NOL9: variants seen among roughly 807,000 people sequenced by gnomAD.
NOL9 encodes polynucleotide 5'-hydroxyl-kinase NOL9.
In NOL9, 28 loss-of-function variants were observed where a neutral mutation model predicts 67.9. That is an observed-to-expected ratio of 0.41 (90% CI 0.31 to 0.57). NOL9 has a LOEUF of 0.57. NOL9 is among the 20% of genes least tolerant of loss of function. The pLI is 0.25. For missense variants in NOL9, 777 were observed against 897.0 expected (o/e 0.87, Z 1.71); for synonymous variants, 356 against 352.2 (o/e 1.01, Z -0.12).
At chr1:6,541,713 T>C (rs3761927) in intron 6 of NOL9, 117 bp downstream of exon 6, 405,010 of 478,690 alleles carry the variant, frequency 0.85, 172,718 homozygotes, top group Admixed American at 0.88. Flanking sequence ...GACCATGAGT[T>C]TGGTAGGCGC....
intron 10 of NOL9, among the ~76,000 whole-genome samples, chr1:6,527,253 A>G (rs1326266630): frequency 1.9e-5 from 1 of 52,328 alleles, no homozygotes. Context: ...TCAAAAAAAA[A>G]AAAAAAATAC....
intron 9 of NOL9, among the ~76,000 whole-genome samples, chr1:6,531,451 G>C (rs1639025713): frequency 6.6e-6 from 1 of 152,054 alleles, no homozygotes; most frequent in African/African-American, 2.4e-5. Context: ...CTGACCTCGT[G>C]ATCTGCCCGC....
chr1:6,527,602 G>A (rs1638917361), intron 10 of NOL9, among the ~76,000 whole-genome samples: 2 of 145,374 alleles, frequency 1.4e-5, no homozygotes, highest in African/African-American at 5.0e-5. Context: ...AGCCCAAATA[G>A]AGAGAGACTT....
At position 6,525,505 on chromosome 1, in the gene NOL9, A is replaced by G; in HGVS notation, c.*349T>C. ...GGCCTTCTTCCTTCCTTCTCGGTAC[A>G]TTGTAATGGCCCCAGTTTCCTTATT... is the stretch of plus-strand genomic sequence containing the variant. On this transcript the variant is annotated 3_prime_UTR_variant, in exon 12 of 12. Coordinates refer to ENST00000377705, the MANE Select transcript of NOL9 (RefSeq NM_024654.5). 1 of 245,782 alleles carries G rather than the reference A, an allele frequency of 4.1e-6. No homozygotes were observed. The highest frequency in any genetic ancestry group is 7.9e-6 in the Non-Finnish European group (1 of 126,902). The allele number at this position is 245,782 out of a possible 1,614,324, so 15.2% of individuals were successfully genotyped here. A position where few individuals can be genotyped will look rare whatever the true frequency, so the allele number is the denominator to read the frequency against.
chr1:6,553,453 A>G (rs888887935), intron 1 of NOL9, among the ~76,000 whole-genome samples: 18 of 152,136 alleles, frequency 1.2e-4, no homozygotes, highest in Admixed American at 2.0e-4. Context: ...GGATGTTTAA[A>G]TGGGTTCAAA....
chr1:6,548,100 G>A (rs1259141827), intron 3 of NOL9: 4 of 224,932 alleles, frequency 1.8e-5, no homozygotes, highest in Non-Finnish European at 3.7e-5. Flanking sequence ...CGTGGCCCAG[G>A]CAGGCTTCGA....
At chr1:6,546,501 G>A (rs149094582) in intron 3 of NOL9, among the ~76,000 whole-genome samples, 1 of 152,190 alleles carries the variant, frequency 6.6e-6, no homozygotes, top group African/African-American at 2.4e-5. Flanking sequence ...ACACAGTGAC[G>A]ACCTTGATTT....
rs574024099 is a variant in NOL9 at position 6,542,467 on chromosome 1, T to A, written c.978-540A>T. Among the ~76,000 whole-genome samples the A allele has an allele frequency of 2.0e-5, 3 of 147,202 alleles. No homozygotes were observed. The Admixed American group carries it at 2.1e-4, about 10-fold the overall frequency. The stretch of plus-strand genomic sequence containing the variant: ...CCTGAGGCACTGAGCCCAGCTGAAT[T>A]TTTTTTTTGAGATGGAGTCCTGCTC... On this transcript the variant is annotated intron_variant, in intron 5 of 11. Coordinates refer to ENST00000377705, the MANE Select transcript of NOL9 (RefSeq NM_024654.5).
chr1:6,530,643 G>A (rs1466951640), intron 9 of NOL9, among the ~76,000 whole-genome samples: 1 of 152,084 alleles, frequency 6.6e-6, no homozygotes, highest in Non-Finnish European at 1.5e-5. Context: ...CACCACCATC[G>A]GGCCCAAGAA....
At chr1:6,526,917 A>C in intron 10 of NOL9, 88 bp from the exon 11 acceptor site, 1 of 1,430,916 alleles carries the variant, frequency 7.0e-7, no homozygotes, top group East Asian at 2.3e-5. Flanking sequence ...GGTTTTGAAC[A>C]TAAGTCTTTA....
intron 11 of NOL9, among the ~76,000 whole-genome samples, chr1:6,526,363 C>A (rs1163461432): frequency 6.6e-6 from 1 of 152,134 alleles, no homozygotes; most frequent in Non-Finnish European, 1.5e-5. Context: ...CACACAGACG[C>A]CTTGACCTGG....
chr1:6,543,138 C>CCTACCT (rs1477092544), intron 5 of NOL9, among the ~76,000 whole-genome samples: 3 of 151,974 alleles, frequency 2.0e-5, no homozygotes, highest in Admixed American at 6.6e-5. Flanking sequence ...ACGCAATCCT[C>CCTACCT]CTACCTCAGC....
chr1:6,549,686 C>A lies in NOL9; in HGVS notation c.629G>T (p.Trp210Leu). Residue 210 changes from tryptophan (W) to leucine (L), a missense_variant, in exon 3 of 12, where the codon TGG becomes TTG. Physicochemically the swap from Trp to Leu is moderately conservative, Grantham distance 61 (BLOSUM62 -2). Around this residue, in one of 2 missense-constraint regions of NOL9, gnomAD observed 364 missense variants for 344.4 expected, o/e 1.06. Coordinates refer to ENST00000377705, the MANE Select transcript of NOL9 (RefSeq NM_024654.5). Reference protein sequence around the residue: ...KSHLNLDDRRWSMQNFSPQCS... With the variant: ...KSHLNLDDRRLSMQNFSPQCS... ...CTGAGGAGAAAAATTCTGCATCGACCAACGCCTGTCATCTGTAAAGAGAAA... is the reference window on the plus strand; with the variant it reads ...CTGAGGAGAAAAATTCTGCATCGACAAACGCCTGTCATCTGTAAAGAGAAA... The A allele has an allele frequency of 1.1e-5, 17 of 1,613,970 alleles. No homozygotes were observed. The highest frequency in any genetic ancestry group is 1.4e-5 in the Non-Finnish European group (17 of 1,179,976).
chr1:6,537,754 A>C (rs1182019519), intron 6 of NOL9, among the ~76,000 whole-genome samples: 1 of 152,172 alleles, frequency 6.6e-6, no homozygotes, highest in Non-Finnish European at 1.5e-5. Context: ...TCTATATTCA[A>C]AAGAAAGAAG....
intron 6 of NOL9, among the ~76,000 whole-genome samples, chr1:6,539,619 G>A (rs1639231094): frequency 6.6e-6 from 1 of 151,156 alleles, no homozygotes; most frequent in South Asian, 2.1e-4. Flanking sequence ...CAAATATCTG[G>A]GACTATAGGC....
Position 6,525,562 on chromosome 1 carries a change from A to G in NOL9, c.*292T>C. On this transcript the variant is annotated 3_prime_UTR_variant, in exon 12 of 12. Transcript: ENST00000377705. ...CTGATTCTAATAACCAGGTCCCTGA[A>G]GAACTTTCTGAGGAATCTCTGTTTT... 2.8e-6 allele frequency: 1 copy of G among 352,548 alleles called. No homozygotes were observed. Among genetic ancestry groups the G allele is most frequent in the Non-Finnish European group, 5.1e-6 (1 of 194,246 alleles). The allele number at this position is 352,548 out of a possible 1,614,324, so 21.8% of individuals were successfully genotyped here. A position where few individuals can be genotyped will look rare whatever the true frequency, so the allele number is the denominator to read the frequency against.
Position 6,525,904 on chromosome 1 carries a change from G to C in NOL9, c.2059C>G (p.His687Asp). 6.2e-7 allele frequency: 1 copy of C among 1,614,140 alleles called. No homozygotes were observed. Among genetic ancestry groups the C allele is most frequent in the Non-Finnish European group, 8.5e-7 (1 of 1,180,010 alleles). Residue 687 changes from histidine to aspartate, a missense_variant, in exon 12 of 12, where the codon CAT becomes GAT. Transcript: ENST00000377705. The part of the protein sequence containing the change: ...KIGAREPEEA[H>D]KEKPYRRPKF... ...GGTCTTCGGTATGGTTTCTCTTTAT[G>C]TGCCTCCTCAGGTTCTCTTGCTCCA...
At chr1:6,539,103 A>T (rs1253484950) in intron 6 of NOL9, among the ~76,000 whole-genome samples, 3 of 152,248 alleles carry the variant, frequency 2.0e-5, no homozygotes, top group Non-Finnish European at 4.4e-5. Context: ...ATGTAAATGA[A>T]AACCAACATG....
intron 9 of NOL9, 37 bp downstream of exon 9, chr1:6,531,931 C>G: frequency 6.5e-7 from 1 of 1,541,456 alleles, no homozygotes; most frequent in Non-Finnish European, 9.0e-7. Flanking sequence ...AAGTGTGTAA[C>G]AAAATGAAGA....
Sources: gnomAD v4.1 joint callset for allele counts (sites outside exome capture counted in the v4.1 genomes callset) on GRCh38, gnomAD v4.1.1 for gene constraint, gnomAD v4.1.1 regional missense constraint, MANE v1.5 for transcripts, NCBI Gene and HGNC (gene_info 2026-07-23, HGNC 2026-07-21) for gene names.